PARD3B: variants seen among roughly 807,000 people sequenced by gnomAD.
PARD3B encodes the protein par-3 family cell polarity regulator beta, also known as partitioning defective 3 homolog B.
Under a neutral mutation model 130.2 loss-of-function variants are expected in PARD3B, and 103 were observed. The observed-to-expected ratio is 0.79, with a 90% confidence interval of 0.67 to 0.93. The LOEUF (loss-of-function observed/expected upper bound fraction) is 0.93. Ranked by LOEUF, PARD3B falls within the 40% of genes least tolerant of loss-of-function variation. The pLI is 0.00. For missense variants in PARD3B, 1,609 were observed against 1,499.2 expected (o/e 1.07, Z -1.21); for synonymous variants, 583 against 553.2 (o/e 1.05, Z -0.76).
At chr2:204,932,630 GA>G (rs771154335) in intron 2 of PARD3B, among the ~76,000 whole-genome samples, 1 of 152,136 alleles carries the variant, frequency 6.6e-6, no homozygotes, top group Admixed American at 6.5e-5. Context: ...TGTCAAGAAA[GA>G]ATGTGTTTTT....
At chr2:204,743,544 T>A (rs560028515) in intron 2 of PARD3B, among the ~76,000 whole-genome samples, 1 of 152,186 alleles carries the variant, frequency 6.6e-6, no homozygotes, top group South Asian at 2.1e-4. Context: ...AACAAACTTA[T>A]TTTATTGCTT....
chr2:205,333,185 C>A (rs1174523801), intron 18 of PARD3B, among the ~76,000 whole-genome samples: 2 of 152,028 alleles, frequency 1.3e-5, no homozygotes, highest in Non-Finnish European at 2.9e-5. Context: ...ATGAGAAAAG[C>A]TCTGGGGGAA....
intron 2 of PARD3B, among the ~76,000 whole-genome samples, chr2:204,839,488 C>A (rs2044183939): frequency 6.6e-6 from 1 of 152,114 alleles, no homozygotes; most frequent in Admixed American, 6.5e-5. Context: ...TTAAGCCTGG[C>A]CACAGCTTTG....
At chr2:204,902,668 CAAAAAA>C (rs5837941) in intron 2 of PARD3B, among the ~76,000 whole-genome samples, 1 of 67,650 alleles carries the variant, frequency 1.5e-5, no homozygotes. Context: ...GACTCTGTCT[CAAAAAA>C]AAAAAAAAAA....
At chr2:205,583,451 T>C (rs540835476) in intron 22 of PARD3B, among the ~76,000 whole-genome samples, 24 of 152,166 alleles carry the variant, frequency 1.6e-4, no homozygotes, top group African/African-American at 5.8e-4. Context: ...CATACTACTC[T>C]GGATTGCCTT....
chr2:205,189,839 G>A lies in PARD3B; in HGVS notation c.2025-3366G>A, dbSNP rs10169906. 2.1e-3 allele frequency among the ~76,000 whole-genome samples: 318 copies of A among 151,448 alleles called. 2 individuals are homozygous for A. The highest frequency in any genetic ancestry group is 7.4e-3 in the African/African-American group (306 of 41,106). ...CATCAATCTGATATCAGCCTTATTT[G>A]CCTTATTTCCATTTTGTACCGCAGC... On this transcript the variant is annotated intron_variant, in intron 14 of 22. Coordinates refer to ENST00000406610, the MANE Select transcript of PARD3B (RefSeq NM_001302769.2).
At chr2:205,335,630 C>T (rs1454363379) in intron 18 of PARD3B, among the ~76,000 whole-genome samples, 1 of 123,424 alleles carries the variant, frequency 8.1e-6, no homozygotes, top group African/African-American at 2.5e-5. Flanking sequence ...TAAAGACATA[C>T]ACAAGACTGG....
At chr2:204,762,904 G>T (rs1043013846) in intron 2 of PARD3B, among the ~76,000 whole-genome samples, 1 of 151,926 alleles carries the variant, frequency 6.6e-6, no homozygotes, top group African/African-American at 2.4e-5. Flanking sequence ...GGGATTATAG[G>T]CATATGCCAC....
At chr2:204,947,145 C>G (rs72940476) in intron 2 of PARD3B, among the ~76,000 whole-genome samples, 10,568 of 152,156 alleles carry the variant, frequency 0.069, 447 homozygotes, top group Non-Finnish European at 0.096. Context: ...GTGGCTCAGT[C>G]AAATTAACGC....
intron 1 of PARD3B, among the ~76,000 whole-genome samples, chr2:204,563,217 G>GTCTGTCTCTCTCTCTCTC (rs1553541986): frequency 1.3e-4 from 11 of 86,598 alleles, no homozygotes; most frequent in Admixed American, 4.3e-4. Context: ...TCTTCCCGCT[G>GTCTGTCTCTCTCTCTCTC]TCTCTCTCTC....
chr2:205,188,997 G>A, intron 14 of PARD3B, among the ~76,000 whole-genome samples: 1 of 152,106 alleles, frequency 6.6e-6, no homozygotes, highest in East Asian at 1.9e-4. Flanking sequence ...TATAATATGT[G>A]GGTCTAAGTA....
intron 2 of PARD3B, among the ~76,000 whole-genome samples, chr2:204,929,518 T>C (rs1687872213): frequency 1.3e-5 from 2 of 152,162 alleles, no homozygotes; most frequent in Non-Finnish European, 2.9e-5. Flanking sequence ...CAAAATGAAA[T>C]AAATATTCTT....
At chr2:204,657,374 T>C (rs1022689173) in intron 1 of PARD3B, among the ~76,000 whole-genome samples, 1 of 152,134 alleles carries the variant, frequency 6.6e-6, no homozygotes, top group Non-Finnish European at 1.5e-5. Context: ...GGTGTGGTGT[T>C]GTGTACCTGT....
At chr2:204,966,014 G>T (rs1189436536) in intron 3 of PARD3B, among the ~76,000 whole-genome samples, 3 of 152,054 alleles carry the variant, frequency 2.0e-5, no homozygotes, top group Non-Finnish European at 4.4e-5. Context: ...AACTTTTTAT[G>T]CCTGTGGAAT....
chr2:205,016,031 C>G (rs1696119921), intron 3 of PARD3B, among the ~76,000 whole-genome samples: 1 of 152,180 alleles, frequency 6.6e-6, no homozygotes, highest in Non-Finnish European at 1.5e-5. Flanking sequence ...CAAAATAAAT[C>G]TCAAAACTGT....
At chr2:204,841,279 T>C (rs2044251596) in intron 2 of PARD3B, among the ~76,000 whole-genome samples, 1 of 152,096 alleles carries the variant, frequency 6.6e-6, no homozygotes, top group Non-Finnish European at 1.5e-5. Flanking sequence ...AATTATAGCC[T>C]CAAGGGTATC....
chr2:205,260,278 ATGAGG>A (rs2040252171), intron 16 of PARD3B, among the ~76,000 whole-genome samples: 1 of 152,184 alleles, frequency 6.6e-6, no homozygotes, highest in African/African-American at 2.4e-5. Context: ...ACAGTGGCAT[ATGAGG>A]TCCTATGTGG....
intron 18 of PARD3B, among the ~76,000 whole-genome samples, chr2:205,346,218 A>T (rs4673323): frequency 6.8e-6 from 1 of 147,336 alleles, no homozygotes; most frequent in Non-Finnish European, 1.5e-5. Context: ...TAAATAAATA[A>T]ATTTCATATA....
At chr2:205,483,841 C>G (rs955398617) in intron 20 of PARD3B, among the ~76,000 whole-genome samples, 1 of 151,902 alleles carries the variant, frequency 6.6e-6, no homozygotes, top group Non-Finnish European at 1.5e-5. Context: ...AAGCTTCTAG[C>G]TAGGGGGCAG....
Sources: allele counts gnomAD v4.1 joint callset (sites outside exome capture counted in the v4.1 genomes callset), GRCh38; gene constraint gnomAD v4.1.1; transcripts MANE v1.5; gene names NCBI Gene and HGNC (gene_info 2026-07-23, HGNC 2026-07-21).